The following MYH14 variants were observed in gnomAD, a reference collection of about 807,000 sequenced individuals.
The protein encoded by MYH14 is myosin heavy chain 14.
Under a neutral mutation model 255.5 loss-of-function variants are expected in MYH14, and 123 were observed. The ratio of observed to expected loss-of-function variants is 0.48; its 90% CI spans 0.42 to 0.56. MYH14 has a LOEUF of 0.56. Among genes scored for constraint, MYH14 ranks in the 20% least tolerant of loss-of-function variants. The pLI is 0.00. For missense variants in MYH14, 2,423 were observed against 2,802.3 expected (o/e 0.86, Z 3.06); for synonymous variants, 1,095 against 1,161.2 (o/e 0.94, Z 1.16).
intron 18 of MYH14, chr19:50,258,414 GT>G (rs2034674549): frequency 1.3e-5 from 2 of 152,008 alleles, no homozygotes; most frequent in African/African-American, 4.8e-5. Flanking sequence ...TTTGCCATTT[GT>G]GCATTACTGT....
intron 10 of MYH14, among the ~76,000 whole-genome samples, chr19:50,235,709 A>G (rs73586263): frequency 0.099 from 14,995 of 151,548 alleles, 1,252 homozygotes; most frequent in African/African-American, 0.22. Flanking sequence ...GATTAAGTCC[A>G]GGAGTAGGAG....
At chr19:50,209,110 G>A (rs567865991) in intron 1 of MYH14, among the ~76,000 whole-genome samples, 2 of 152,064 alleles carry the variant, frequency 1.3e-5, no homozygotes, top group African/African-American at 2.4e-5. Context: ...GTGAGCCGTG[G>A]TTGTACCACT....
chr19:50,213,915 C>G (rs1218152045), intron 2 of MYH14, among the ~76,000 whole-genome samples: 1 of 152,196 alleles, frequency 6.6e-6, no homozygotes, highest in Non-Finnish European at 1.5e-5. Flanking sequence ...AGCTCAACCT[C>G]CTGGGCTCAA....
intron 10 of MYH14, among the ~76,000 whole-genome samples, chr19:50,234,927 CT>C (rs2033588871): frequency 6.6e-6 from 1 of 152,308 alleles, no homozygotes; most frequent in East Asian, 1.9e-4. Context: ...TGTTGAGCTT[CT>C]TGTATCTCCT....
chr19:50,244,874 C>T (rs1399772083), intron 11 of MYH14, among the ~76,000 whole-genome samples: 1 of 152,148 alleles, frequency 6.6e-6, no homozygotes, highest in Non-Finnish European at 1.5e-5. Context: ...AAGTGAACCG[C>T]ACCAGCACGA....
At chr19:50,278,548 A>T (rs569070114) in intron 30 of MYH14, among the ~76,000 whole-genome samples, 86 of 151,448 alleles carry the variant, frequency 5.7e-4, no homozygotes, top group Middle Eastern at 3.4e-3. Flanking sequence ...AAAAAAAAAA[A>T]TTTTAATTAG....
chr19:50,296,519 A>C lies in MYH14; in HGVS notation c.5469+2832A>C, dbSNP rs575020044. Among the ~76,000 whole-genome samples, 6 of 152,156 alleles carry C rather than the reference A, an allele frequency of 3.9e-5. No individual in the cohort carries two copies. In the East Asian group the frequency reaches 1.2e-3, roughly 29 times the overall value. On this transcript the variant is annotated intron_variant, in intron 39 of 42. Coordinates refer to ENST00000642316, the MANE Select transcript of MYH14 (RefSeq NM_001145809.2). ...CTACTCTGAGGGCTGAGGTAGGAGG[A>C]TTGCCTGGATCCGGGAAGCAGAGGT...
intron 11 of MYH14, among the ~76,000 whole-genome samples, chr19:50,246,111 TCTTCCTTCCTTCCTTCCTTCCCTC>T (rs1204686071): frequency 5.7e-5 from 6 of 106,180 alleles, no homozygotes; most frequent in African/African-American, 7.6e-5. Flanking sequence ...TCCCTTCCTT[TCTTCCTTCCTTCCTTCCTTCCCTC>T]CTTCCTTCCT....
rs185924051 is a variant in MYH14 at position 50,234,544 on chromosome 19, T to C, written c.1114+2474T>C. Among the ~76,000 whole-genome samples the C allele has an allele frequency of 2.4e-3, 367 of 152,268 alleles. 2 individuals carry two copies. Among genetic ancestry groups the C allele is most frequent in the African/African-American group, 8.4e-3 (348 of 41,560 alleles). ...AAACAGCCGGGCCTCTTGTGGCCTA[T>C]TGACACAGGGTCTTGGGCCTCTCCC... is the stretch of plus-strand genomic sequence containing the variant. On this transcript the variant is annotated intron_variant, in intron 10 of 42. Coordinates refer to ENST00000642316, the MANE Select transcript of MYH14 (RefSeq NM_001145809.2).
chr19:50,266,968 G>A lies in MYH14; in HGVS notation c.2786G>A (p.Ser929Asn). Residue 929 changes from serine to asparagine, a missense_variant, in exon 23 of 43, where the codon AGC (serine) becomes AAC (asparagine). By Grantham distance (46) the Ser-to-Asn change is conservative (BLOSUM62 1). Coordinates refer to ENST00000642316, the MANE Select transcript of MYH14 (RefSeq NM_001145809.2). The surrounding 1 kb of genome is among the most constrained non-coding windows in gnomAD (Gnocchi z 4.1). ...LQKVQELQQQ[S>N]AREVGELQGR... is the part of the protein sequence containing the mutation. ...AAAGTGCAGGAGCTACAGCAGCAGAGCGCCCGCGAAGTTGGGGAGCTCCAG... is the reference window on the plus strand; with the variant it reads ...AAAGTGCAGGAGCTACAGCAGCAGAACGCCCGCGAAGTTGGGGAGCTCCAG... 1.3e-6 allele frequency: 2 copies of A among 1,567,356 alleles called. No individual in the cohort carries two copies. The highest frequency in any genetic ancestry group is 1.7e-6 in the Non-Finnish European group (2 of 1,156,174).
At chr19:50,260,799 ATG>A in intron 20 of MYH14, 84 bp downstream of exon 20, 2 of 1,017,190 alleles carry the variant, frequency 2.0e-6, no homozygotes, top group Non-Finnish European at 3.0e-6. Context: ...GTGCATGCAT[ATG>A]TGTGCATGCG....
intron 10 of MYH14, among the ~76,000 whole-genome samples, chr19:50,236,717 GA>G (rs1194389209): frequency 1.3e-5 from 2 of 151,114 alleles, no homozygotes; most frequent in East Asian, 1.9e-4. Context: ...CAAAAAAAAA[GA>G]AAAAAAAGAA....
Position 50,260,826 on chromosome 19 carries a change from TGTGTGCATGCAC to T in MYH14, c.2424+117_2424+128del, listed in dbSNP as rs1360779356. On this transcript the variant is annotated intron_variant, in intron 20 of 42. Coordinates refer to ENST00000642316, the MANE Select transcript of MYH14 (RefSeq NM_001145809.2). ...GTGTGCATGCGTGTGTGTGCAAGTG[TGTGTGCATGCAC>T]GTGTGTGCGTGTGTGTGTGCATGCA... The T allele has an allele frequency of 1.9e-5, 15 of 796,964 alleles. No individual in the cohort carries two copies. In the African/African-American group the frequency reaches 1.9e-4, roughly 10 times the overall value. The allele number at this position is 796,964 out of a possible 1,614,324, so 49.4% of individuals were successfully genotyped here. A position where few individuals can be genotyped will look rare whatever the true frequency, so the allele number is the denominator to read the frequency against.
rs2035724470 is a variant in MYH14, at chr19:50,281,642, G to T, written c.4339G>T (p.Ala1447Ser). Residue 1447 changes from alanine to serine, a missense_variant, in exon 33 of 43, where the codon GCA becomes TCA. By Grantham distance (99) the Ala-to-Ser change is moderately conservative. Transcript: ENST00000642316. ...GGAGGAGGAGGCAGGGGCACTGGAG[G>T]CAGGGGAGGAGGCACGGCGCCGGGC... Reference protein sequence around the residue: ...RQEEEAGALEAGEEARRRAAR... With the variant: ...RQEEEAGALESGEEARRRAAR... 1.9e-6 allele frequency: 3 copies of T among 1,606,860 alleles called. No individual in the cohort carries two copies. The highest frequency in any genetic ancestry group is 2.5e-6 in the Non-Finnish European group (3 of 1,176,850).
chr19:50,272,498 G>C, intron 26 of MYH14, 62 bp from the exon 27 acceptor site: 3 of 1,534,270 alleles, frequency 2.0e-6, no homozygotes, highest in Non-Finnish European at 8.8e-7. Context: ...TGTGGTCTCT[G>C]TGAGAGCGGC....
intron 7 of MYH14, among the ~76,000 whole-genome samples, 151 bp downstream of exon 7, chr19:50,225,828 G>A (rs1460588278): frequency 1.4e-5 from 2 of 147,278 alleles, no homozygotes; most frequent in African/African-American, 5.1e-5. Flanking sequence ...AGGGGCTGGG[G>A]GCCTGGACCC....
At chr19:50,272,165 G>A (rs2123391935) in intron 26 of MYH14, among the ~76,000 whole-genome samples, 193 bp downstream of exon 26, 1 of 152,216 alleles carries the variant, frequency 6.6e-6, no homozygotes, top group East Asian at 1.9e-4. Flanking sequence ...TTCTCTCCTT[G>A]GTGTCTTGGG....
chr19:50,275,880 A>T (rs762158751), intron 27 of MYH14, 111 bp from the exon 28 acceptor site: 1 of 793,356 alleles, frequency 1.3e-6, no homozygotes, highest in Non-Finnish European at 2.0e-6. Context: ...AGAGGATTCT[A>T]ACCTGGGACT....
At position 50,272,740 on chromosome 19, in the gene MYH14, T is replaced by G. The variant is rs1378826651; in HGVS notation, c.3467+9T>G. ...CAGGCTGCCCTGGCCAGGTGCAGGG[T>G]GGGGTGGGCTTGGTGGGGTAAGCAG... On this transcript the variant is annotated intron_variant, in intron 27 of 42. Transcript: ENST00000642316. 26 of 1,548,708 alleles carry G rather than the reference T, an allele frequency of 1.7e-5. No individual in the cohort carries two copies. The highest frequency in any genetic ancestry group is 3.9e-5 in the Admixed American group (2 of 50,930).
Sources: allele counts gnomAD v4.1 joint callset (sites outside exome capture counted in the v4.1 genomes callset), GRCh38; gene constraint gnomAD v4.1.1; non-coding constraint Gnocchi (gnomAD v3.1); transcripts MANE v1.5; gene names NCBI Gene and HGNC (gene_info 2026-07-23, HGNC 2026-07-21).